The following ARMC8 variants were observed in gnomAD, a reference collection of about 807,000 sequenced individuals.
The protein encoded by ARMC8 is armadillo repeat containing 8.
ARMC8 carries 20 observed loss-of-function variants against 99.3 expected under a neutral mutation model. That is an observed-to-expected ratio of 0.20 (90% confidence interval 0.14 to 0.29). The LOEUF is 0.29. Ranked by LOEUF, ARMC8 falls within the 10% of genes least tolerant of loss-of-function variation. The probability of loss-of-function intolerance (pLI) is 1.00; values close to 1 mark genes in which losing one functional copy is unlikely to be tolerated. For synonymous variants in ARMC8, 263 were observed against 278.3 expected, an observed-to-expected ratio of 0.95 and a Z score of 0.55; for missense variants, 569 against 809.5, an observed-to-expected ratio of 0.70 and a Z score of 3.60.
intron 6 of ARMC8, among the ~76,000 whole-genome samples, chr3:138,231,474 A>G (rs973141874): frequency 2.0e-5 from 3 of 152,192 alleles, no homozygotes; most frequent in Non-Finnish European, 4.4e-5. Flanking sequence ...GTGTTGCAAT[A>G]TAATCATAAT....
chr3:138,224,478 A>C (rs1477915155), intron 5 of ARMC8, among the ~76,000 whole-genome samples: 4 of 152,120 alleles, frequency 2.6e-5, no homozygotes. Context: ...CGCTGGGTAC[A>C]GTGGCTCACG....
chr3:138,188,506 T>C, intron 1 of ARMC8: 1 of 1,613,932 alleles, frequency 6.2e-7, no homozygotes, highest in Non-Finnish European at 8.5e-7. Context: ...TTGCAACAAA[T>C]TCGAGCTGTC....
chr3:138,208,584 G>GTCT (rs1342820856), intron 1 of ARMC8, among the ~76,000 whole-genome samples: 1 of 152,174 alleles, frequency 6.6e-6, no homozygotes, highest in Non-Finnish European at 1.5e-5. Flanking sequence ...CTGGTACTGT[G>GTCT]TCTTGGTAAT....
chr3:138,292,637 G>A (rs2051076537), intron 21 of ARMC8, among the ~76,000 whole-genome samples: 1 of 152,192 alleles, frequency 6.6e-6, no homozygotes, highest in Non-Finnish European at 1.5e-5. Context: ...AGATGGTGAG[G>A]AATATAGAAG....
Position 138,223,722 on chromosome 3 carries a change from C to A in ARMC8, c.424C>A (p.Leu142Ile). The A allele has an allele frequency of 6.2e-7, 1 of 1,613,582 alleles. No individual in the cohort carries two copies. The highest frequency in any genetic ancestry group is 1.6e-4 in the Middle Eastern group (1 of 6,062). The change falls in exon 5 of 22, where the codon CTA becomes ATA. Residue 142 changes from leucine to isoleucine, a missense_variant. Leu to Ile is a conservative substitution (Grantham distance 5). This residue lies in a region of ARMC8 where 342 missense variants were observed against 391.6 expected (regional missense o/e 0.87). Transcript: ENST00000469044. ...IFTSPVTPEE[L>I]LYTDATVIPH... ...CACCAGTCCTGTCACTCCAGAGGAG[C>A]TACTGTATACAGTGAGTTTTAGATG...
chr3:138,237,247 G>A (rs763330271), intron 7 of ARMC8, 62 bp from the exon 8 acceptor site: 1 of 1,409,670 alleles, frequency 7.1e-7, no homozygotes, highest in Non-Finnish European at 1.0e-6. Context: ...TAGATTCTGA[G>A]ACATTAAAAT....
intron 1 of ARMC8, among the ~76,000 whole-genome samples, chr3:138,203,036 G>C (rs2044167397): frequency 6.6e-6 from 1 of 152,160 alleles, no homozygotes; most frequent in Admixed American, 6.5e-5. Context: ...GGGACAATCA[G>C]AGCCTGTTGT....
Position 138,280,327 on chromosome 3 carries a change from A to G in ARMC8, c.1726-4104A>G, listed in dbSNP as rs112075784. On this transcript the variant is annotated intron_variant, in intron 18 of 21. Transcript: ENST00000469044. ...TCCCACTTATTATTATTATTATTAT[A>G]TATATTTTAAGACAGAGTCTCACTC... 1.0e-3 allele frequency among the ~76,000 whole-genome samples: 156 copies of G among 149,206 alleles called. 1 individual carries two copies. The highest frequency in any genetic ancestry group is 3.4e-3 in the African/African-American group (138 of 40,578).
chr3:138,219,934 T>C (rs2045298649), intron 2 of ARMC8, among the ~76,000 whole-genome samples: 1 of 152,152 alleles, frequency 6.6e-6, no homozygotes, highest in Admixed American at 6.6e-5. Flanking sequence ...TTGGTAATGT[T>C]AGGGACCGCT....
chr3:138,291,536 C>G (rs748287601), intron 21 of ARMC8, among the ~76,000 whole-genome samples: 33 of 152,098 alleles, frequency 2.2e-4, no homozygotes, highest in Non-Finnish European at 4.3e-4. Flanking sequence ...TCTTTGCCCT[C>G]GTGTAACTTA....
chr3:138,256,538 G>A (rs1430161709), intron 12 of ARMC8, among the ~76,000 whole-genome samples: 3 of 150,910 alleles, frequency 2.0e-5, no homozygotes, highest in Non-Finnish European at 4.4e-5. Context: ...AGCTTCCCGA[G>A]TAGCTGAGAC....
At chr3:138,204,133 G>A (rs891792732) in intron 1 of ARMC8, among the ~76,000 whole-genome samples, 3 of 152,192 alleles carry the variant, frequency 2.0e-5, no homozygotes, top group African/African-American at 7.2e-5. Flanking sequence ...AGGCTGGAGT[G>A]CAGTGGCTTG....
rs552053983 is a variant in ARMC8, at chr3:138,293,469, G to A, written c.1989-2390G>A. ...CAGGAGGATCACTTGAACCCAGGAGGCAGAGATCGTGGTGAGCCGAGATTG... is the reference window on the plus strand; with the variant it reads ...CAGGAGGATCACTTGAACCCAGGAGACAGAGATCGTGGTGAGCCGAGATTG... On this transcript the variant is annotated intron_variant, in intron 21 of 21. Coordinates refer to ENST00000469044, the MANE Select transcript of ARMC8 (RefSeq NM_001363941.2). Among the ~76,000 whole-genome samples the A allele has an allele frequency of 3.3e-5, 5 of 152,186 alleles. No homozygotes were observed. The South Asian group carries it at 1.0e-3, about 32-fold the overall frequency.
At chr3:138,246,504 T>A in intron 12 of ARMC8, 7 of 985,696 alleles carry the variant, frequency 7.1e-6, no homozygotes, top group Non-Finnish European at 8.4e-6. Flanking sequence ...TGAACATTTT[T>A]AAAAAATTGG....
At chr3:138,247,215 G>T (rs1257474656) in intron 12 of ARMC8, among the ~76,000 whole-genome samples, 1 of 152,066 alleles carries the variant, frequency 6.6e-6, no homozygotes, top group Non-Finnish European at 1.5e-5. Flanking sequence ...CTTTCTCCAT[G>T]AAATATTTAT....
At chr3:138,283,578 A>T (rs1467758898) in intron 18 of ARMC8, among the ~76,000 whole-genome samples, 1 of 152,208 alleles carries the variant, frequency 6.6e-6, no homozygotes. Context: ...CAGAGGGCAT[A>T]CCCATAATAG....
At chr3:138,207,533 A>G (rs1027629210) in intron 1 of ARMC8, among the ~76,000 whole-genome samples, 1 of 152,248 alleles carries the variant, frequency 6.6e-6, no homozygotes, top group Non-Finnish European at 1.5e-5. Flanking sequence ...AAGATAGAAC[A>G]GTAACATCAA....
At position 138,263,825 on chromosome 3, in the gene ARMC8, T is replaced by C. The variant is rs2047990063; in HGVS notation, c.1217+4T>C. The C allele has an allele frequency of 3.1e-6, 5 of 1,613,278 alleles. No individual in the cohort carries two copies. Among genetic ancestry groups the C allele is most frequent in the Non-Finnish European group, 3.4e-6 (4 of 1,179,196 alleles). ...AGGTGCGGTTAGCTGCCGTCAGGTA[T>C]GAGCTTTAAATGGTCTGAATAAAAA... On this transcript the variant is annotated splice_donor_region_variant and intron_variant, in intron 13 of 21. Transcript: ENST00000469044.
chr3:138,294,047 C>T (rs2051240479), intron 21 of ARMC8, among the ~76,000 whole-genome samples: 1 of 152,092 alleles, frequency 6.6e-6, no homozygotes, highest in African/African-American at 2.4e-5. Flanking sequence ...AGTAGAAAGA[C>T]AATAAAGGTA....
Sources: gnomAD v4.1 joint callset for allele counts (sites outside exome capture counted in the v4.1 genomes callset) on GRCh38, gnomAD v4.1.1 for gene constraint, gnomAD v4.1.1 regional missense constraint, MANE v1.5 for transcripts, NCBI Gene and HGNC (gene_info 2026-07-23, HGNC 2026-07-21) for gene names.